NTNG2: variants seen among roughly 807,000 people sequenced by gnomAD.
The protein encoded by NTNG2 is netrin-G2.
Under a neutral mutation model 47.6 loss-of-function variants are expected in NTNG2, and 15 were observed. The observed-to-expected ratio is 0.32, with a 90% confidence interval of 0.21 to 0.49. The LOEUF is 0.49. NTNG2 is among the 20% of genes least tolerant of loss of function. NTNG2 has a pLI of 0.99. For missense variants in NTNG2, 578 were observed against 764.6 expected, an observed-to-expected ratio of 0.76 and a Z score of 2.88; for synonymous variants, 307 against 324.6, an observed-to-expected ratio of 0.95 and a Z score of 0.58.
Position 132,205,101 on chromosome 9 carries a change from C to T in NTNG2, c.857+6492C>T, listed in dbSNP as rs147874406. Among the ~76,000 whole-genome samples, 811 of 152,220 alleles carry T rather than the reference C, an allele frequency of 5.3e-3. 8 individuals are homozygous for T. The highest frequency in any genetic ancestry group is 0.018 in the African/African-American group (762 of 41,508). Reference sequence around the variant, plus strand: ...AAGTTACATGTAGATTTAGCAATTCCGCTCCTAGGTATAGACCCAACAGAA... The same window carrying T: ...AAGTTACATGTAGATTTAGCAATTCTGCTCCTAGGTATAGACCCAACAGAA... On this transcript the variant is annotated intron_variant, in intron 3 of 7. Coordinates refer to ENST00000393229, the MANE Select transcript of NTNG2 (RefSeq NM_032536.4).
At chr9:132,202,689 C>T (rs117539449) in intron 3 of NTNG2, among the ~76,000 whole-genome samples, 6,167 of 152,276 alleles carry the variant, frequency 0.04, 193 homozygotes, top group Admixed American at 0.088. Context: ...CCGCCCCCAC[C>T]CTCCACACAA....
chr9:132,231,680 C>T lies in NTNG2; in HGVS notation c.1054+1085C>T, dbSNP rs1250625844. 2 of 251,976 alleles carry T rather than the reference C, an allele frequency of 7.9e-6. No homozygotes were observed. The highest frequency in any genetic ancestry group is 1.6e-5 in the Non-Finnish European group (2 of 125,968). The allele number at this position is 251,976 out of a possible 1,614,324, so 15.6% of individuals were successfully genotyped here. ...CCCAGAAAGACCCCGACCCCAAAGGCCCTGTGGCCACTGCGGCCACCACAG... is the reference window on the plus strand; with the variant it reads ...CCCAGAAAGACCCCGACCCCAAAGGTCCTGTGGCCACTGCGGCCACCACAG... On this transcript the variant is annotated intron_variant, in intron 5 of 7. Transcript: ENST00000393229. This position sits in a 1 kb window ranked among gnomAD's most constrained non-coding sequence, Gnocchi z 4.1.
rs1292519021 is a variant in NTNG2 at position 132,198,106 on chromosome 9, G to T, written c.354G>T (p.Pro118=). 1.2e-6 allele frequency: 2 copies of T among 1,613,878 alleles called. No individual in the cohort carries two copies. Among genetic ancestry groups the T allele is most frequent in the African/African-American group, 1.3e-5 (1 of 75,052 alleles). Residue 118 remains proline, a synonymous_variant, in exon 3 of 8, where the codon CCG becomes CCT. Coordinates refer to ENST00000393229, the MANE Select transcript of NTNG2 (RefSeq NM_032536.4). ...TCACCTGGAGCCGCTACCCCAGCCCGCTGGAAGCCAACATCACCCTTTCGT... is the reference window on the plus strand; with the variant it reads ...TCACCTGGAGCCGCTACCCCAGCCCTCTGGAAGCCAACATCACCCTTTCGT... ...QSITWSRYPS[P]LEANITLSWN... is the part of the protein sequence containing the mutation.
chr9:132,219,962 C>T (rs1284627979), intron 3 of NTNG2, among the ~76,000 whole-genome samples: 1 of 152,190 alleles, frequency 6.6e-6, no homozygotes, highest in South Asian at 2.1e-4. Flanking sequence ...CCACCAGCAG[C>T]GTATGAGGGT....
At chr9:132,176,981 G>C (rs544388844) in intron 2 of NTNG2, among the ~76,000 whole-genome samples, 1 of 152,172 alleles carries the variant, frequency 6.6e-6, no homozygotes, top group African/African-American at 2.4e-5. Flanking sequence ...TCATTTTTTT[G>C]TTTTTGTTTT....
Position 132,208,607 on chromosome 9 carries a change from C to T in NTNG2, c.857+9998C>T, listed in dbSNP as rs1280101928. Among the ~76,000 whole-genome samples the T allele has an allele frequency of 2.0e-5, 3 of 151,780 alleles. No individual in the cohort carries two copies. Among genetic ancestry groups the T allele is most frequent in the Admixed American group, 6.6e-5 (1 of 15,240 alleles). The stretch of plus-strand genomic sequence containing the variant: ...TTGCTGAGTAGCTGATGGGAGCAGG[C>T]GGTGGGAGGCATCATGGAGGACTCC... On this transcript the variant is annotated intron_variant, in intron 3 of 7. Transcript: ENST00000393229. This position sits in a 1 kb window ranked among gnomAD's most constrained non-coding sequence, Gnocchi z 4.0.
At chr9:132,232,360 CG>C in intron 5 of NTNG2, 1 of 152,898 alleles carries the variant, frequency 6.5e-6, no homozygotes, top group South Asian at 2.1e-4. Flanking sequence ...GTTTGGACAC[CG>C]TGGGCTGCTG....
At position 132,198,595 on chromosome 9, in the gene NTNG2, C is replaced by T. The variant is rs778670533; in HGVS notation, c.843C>T (p.Ile281=). 4.4e-6 allele frequency: 7 copies of T among 1,607,008 alleles called. No homozygotes were observed. Among genetic ancestry groups the T allele is most frequent in the African/African-American group, 1.3e-5 (1 of 74,830 alleles). The change falls in exon 3 of 8, where the codon ATC becomes ATT. Residue 281 remains isoleucine, a synonymous_variant. Coordinates refer to ENST00000393229, the MANE Select transcript of NTNG2 (RefSeq NM_032536.4). The part of the protein sequence containing the change: ...LYKYFYAISN[I]EVIGRCKCNL... ...AGTACTTCTACGCCATCTCCAACAT[C>T]GAGGTCATCGGCAGGTAAGGCCGGG... is the stretch of plus-strand genomic sequence containing the variant.
At chr9:132,212,321 TC>T (rs1271033820) in intron 3 of NTNG2, among the ~76,000 whole-genome samples, 1 of 152,096 alleles carries the variant, frequency 6.6e-6, no homozygotes, top group African/African-American at 2.4e-5. Flanking sequence ...CACCCAAGCC[TC>T]CCAGCACCCG....
At chr9:132,209,658 C>T (rs1016505427) in intron 3 of NTNG2, among the ~76,000 whole-genome samples, 1 of 152,160 alleles carries the variant, frequency 6.6e-6, no homozygotes, top group Admixed American at 6.5e-5. Context: ...GAGCAGAGCC[C>T]GGGAGTCCGG....
In NTNG2 at chr9:132,231,386, A is replaced by G; in HGVS notation, c.1054+791A>G. On this transcript the variant is annotated intron_variant, in intron 5 of 7. Transcript: ENST00000393229. The surrounding 1 kb of genome is among the most constrained non-coding windows in gnomAD (Gnocchi z 4.1). The stretch of plus-strand genomic sequence containing the variant: ...ATGTCAAAGAGCCAGCCGGGAGCAG[A>G]CCCCAAATCTCAGAGATGCTTCTGG... The G allele has an allele frequency of 2.2e-6, 1 of 454,458 alleles. No individual in the cohort carries two copies. Among genetic ancestry groups the G allele is most frequent in the South Asian group, 1.6e-5 (1 of 64,368 alleles). 28.2% of individuals were successfully genotyped at this position (454,458 alleles called of 1,614,324 possible). A position where few individuals can be genotyped will look rare whatever the true frequency, so the allele number is the denominator to read the frequency against.
intron 3 of NTNG2, among the ~76,000 whole-genome samples, chr9:132,204,807 G>T (rs1839044664): frequency 6.6e-6 from 1 of 152,168 alleles, no homozygotes; most frequent in Admixed American, 6.5e-5. Flanking sequence ...TGGGTGTGGT[G>T]GCTCGTGCCT....
chr9:132,184,446 CTG>C (rs1309602372), intron 2 of NTNG2, among the ~76,000 whole-genome samples: 6 of 152,214 alleles, frequency 3.9e-5, no homozygotes, highest in Admixed American at 1.3e-4. Flanking sequence ...CTGGGGAAAA[CTG>C]TGACCCAGTG....
rs756582910 is a variant in NTNG2, at chr9:132,227,035, C to G, written c.1030+14C>G. 1.3e-6 allele frequency: 2 copies of G among 1,580,610 alleles called. No homozygotes were observed. Among genetic ancestry groups the G allele is most frequent in the Non-Finnish European group, 8.6e-7 (1 of 1,163,960 alleles). ...CTCCCAACGCCTGTACGTGCCATGC[C>G]CCGGGGCCACGAGCCCACATGGCTA... On this transcript the variant is annotated intron_variant, in intron 4 of 7. Transcript: ENST00000393229.
intron 2 of NTNG2, among the ~76,000 whole-genome samples, chr9:132,171,838 T>C (rs1165935297): frequency 6.6e-6 from 1 of 152,172 alleles, no homozygotes; most frequent in Admixed American, 6.5e-5. Context: ...GCCCGATGGC[T>C]CTGGCCTCCT....
intron 3 of NTNG2, among the ~76,000 whole-genome samples, chr9:132,211,187 G>T (rs889618396): frequency 6.6e-6 from 1 of 152,128 alleles, no homozygotes; most frequent in East Asian, 1.9e-4. Context: ...TCATGCTTGG[G>T]TTCCTGGAGG....
chr9:132,192,790 A>G (rs772024264), intron 2 of NTNG2, among the ~76,000 whole-genome samples: 2 of 152,168 alleles, frequency 1.3e-5, no homozygotes, highest in African/African-American at 2.4e-5. Context: ...AAAGAGAAAG[A>G]GGGAGAGAGA....
chr9:132,188,981 G>A (rs1837625129), intron 2 of NTNG2, among the ~76,000 whole-genome samples: 1 of 151,636 alleles, frequency 6.6e-6, no homozygotes, highest in Non-Finnish European at 1.5e-5. Context: ...TAGTGGCTGA[G>A]GGCCCATCAT....
intron 3 of NTNG2, among the ~76,000 whole-genome samples, chr9:132,217,481 G>A (rs1019530633): frequency 5.9e-5 from 9 of 152,196 alleles, no homozygotes; most frequent in African/African-American, 2.2e-4. Flanking sequence ...CAGCTGTGTG[G>A]CCTTGGGCAA....
Sources: gnomAD v4.1 joint callset for allele counts (sites outside exome capture counted in the v4.1 genomes callset) on GRCh38, gnomAD v4.1.1 for gene constraint, Gnocchi (gnomAD v3.1) non-coding constraint, MANE v1.5 for transcripts, NCBI Gene and HGNC (gene_info 2026-07-23, HGNC 2026-07-21) for gene names.